The following MYH4 variants were observed in gnomAD, a reference collection of about 807,000 sequenced individuals.
MYH4 encodes the protein myosin heavy chain 4, also known as myosin-4.
In MYH4, 200 loss-of-function variants were observed where a neutral mutation model predicts 229.9. The observed-to-expected ratio is 0.87, with a 90% CI of 0.78 to 0.98. The LOEUF is 0.98. Ranked by LOEUF, MYH4 falls within the 50% of genes least tolerant of loss-of-function variation. The pLI is 0.00. For missense variants in MYH4, 2,148 were observed against 2,332.6 expected, an observed-to-expected ratio of 0.92 and a Z score of 1.63; for synonymous variants, 761 against 834.6, an observed-to-expected ratio of 0.91 and a Z score of 1.52.
rs2072532560 is a variant in MYH4, at chr17:10,448,184, T to G, written c.4657-58A>C. On this transcript the variant is annotated intron_variant, in intron 33 of 39. Coordinates refer to ENST00000255381, the MANE Select transcript of MYH4 (RefSeq NM_017533.2). ...AAAGAGCTTTTTATTTCTTTCACAT[T>G]ATGATAATTTCCCCAAGAAGGCATT... 8 of 1,488,648 alleles carry G rather than the reference T, an allele frequency of 5.4e-6. No individual in the cohort carries two copies. In the South Asian group the frequency reaches 6.7e-5, roughly 12 times the overall value. 92.2% of individuals were successfully genotyped at this position (1,488,648 alleles called of 1,614,324 possible).
Position 10,452,018 on chromosome 17 carries a change from G to A in MYH4, c.3661C>T (p.Leu1221=), listed in dbSNP as rs374726225. The change falls in exon 27 of 40, where the codon CTG becomes TTG. Residue 1221 remains leucine (L), a synonymous_variant. Transcript: ENST00000255381. ...TTCAGCTCACTCTTTTCCTTCTCCA[G>A]CTTCTGCTTGACCCGCTGAAGGCTG... The part of the protein sequence containing the change: ...IDSLQRVKQK[L]EKEKSELKME... 1 of 1,613,786 alleles carries A rather than the reference G, an allele frequency of 6.2e-7. No individual in the cohort carries two copies. Among genetic ancestry groups the A allele is most frequent in the Admixed American group, 1.7e-5 (1 of 60,000 alleles).
At position 10,456,520 on chromosome 17, in the gene MYH4, C is replaced by A. The variant is rs2072640252; in HGVS notation, c.1933G>T (p.Gly645Cys). 1 of 1,613,850 alleles carries A rather than the reference C, an allele frequency of 6.2e-7. No homozygotes were observed. Among genetic ancestry groups the A allele is most frequent in the Admixed American group, 1.7e-5 (1 of 60,008 alleles). The change falls in exon 17 of 40, where the codon GGT (glycine) becomes TGT (cysteine). Residue 645 changes from glycine to cysteine, a missense_variant. Physicochemically the swap from Gly to Cys is radical, Grantham distance 159 (BLOSUM62 -3). Transcript: ENST00000255381. ...GCTGACACTGTCTGGAAAGAAGAAC[C>A]CTTCTTTTTGCCACCTTTCTTTCCA... is the stretch of plus-strand genomic sequence containing the variant. ...GGGKKGGKKK[G>C]SSFQTVSALF...
intron 22 of MYH4, among the ~76,000 whole-genome samples, chr17:10,454,335 G>C (rs962445498): frequency 6.6e-6 from 1 of 152,204 alleles, no homozygotes; most frequent in African/African-American, 2.4e-5. Context: ...AATGTCTATT[G>C]ATATTTTTAT....
chr17:10,462,774 T>C (rs891214553), intron 11 of MYH4, 91 bp downstream of exon 11: 1 of 1,059,762 alleles, frequency 9.4e-7, no homozygotes, highest in African/African-American at 1.6e-5. Flanking sequence ...CTATTTATAG[T>C]CTTTCTGCCA....
intron 5 of MYH4, among the ~76,000 whole-genome samples, chr17:10,465,163 T>G (rs1052993218): frequency 1.3e-5 from 2 of 152,214 alleles, no homozygotes; most frequent in Non-Finnish European, 2.9e-5. Context: ...TAATTAATTT[T>G]GAGGTGGAAC....
chr17:10,449,949 T>TCTCATGA (rs1391719671), intron 30 of MYH4, among the ~76,000 whole-genome samples: 11 of 152,272 alleles, frequency 7.2e-5, no homozygotes, highest in African/African-American at 2.6e-4. Context: ...AATCTGTAAA[T>TCTCATGA]CTCATGACTT....
Position 10,444,508 on chromosome 17 carries a change from C to A in MYH4, c.5667+96G>T. On this transcript the variant is annotated intron_variant, in intron 39 of 39. Transcript: ENST00000255381. ...ATGTTCATACCTAATTATGTATTCC[C>A]AATTTAAAGAAAACCCCCTAAATTC... is the stretch of plus-strand genomic sequence containing the variant. 3.5e-6 allele frequency: 3 copies of A among 862,038 alleles called. 1 individual carries two copies. Among genetic ancestry groups the A allele is most frequent in the Admixed American group, 2.3e-5 (1 of 43,878 alleles). 53.4% of individuals were successfully genotyped at this position (862,038 alleles called of 1,614,324 possible).
At chr17:10,454,530 C>T in intron 22 of MYH4, 25 bp downstream of exon 22, 2 of 1,603,286 alleles carry the variant, frequency 1.2e-6, no homozygotes, top group African/African-American at 1.3e-5. Flanking sequence ...TAAGATGTGG[C>T]TGAACTGCAA....
In MYH4 at chr17:10,455,271, A is replaced by T. The variant is rs2072626368; in HGVS notation, c.2199T>A (p.Ala733=). 1 of 1,613,946 alleles carries T rather than the reference A, an allele frequency of 6.2e-7. No homozygotes were observed. Among genetic ancestry groups the T allele is most frequent in the Non-Finnish European group, 8.5e-7 (1 of 1,179,882 alleles). ...TGTCAATGAACTGACCCTCTGGGAT[A>T]GCACTCGCATTTAGAACCTTGTATC... ...KQRYKVLNAS[A]IPEGQFIDSK... The change falls in exon 20 of 40, where the codon GCT becomes GCA. Residue 733 remains alanine (A), a synonymous_variant. Coordinates refer to ENST00000255381, the MANE Select transcript of MYH4 (RefSeq NM_017533.2).
At chr17:10,456,661 C>G (rs555615309) in intron 16 of MYH4, 106 bp from the exon 17 acceptor site, 2 of 782,438 alleles carry the variant, frequency 2.6e-6, no homozygotes, top group Admixed American at 2.1e-5. Context: ...AATTTGCACT[C>G]ATTCACTTGC....
chr17:10,455,278 G>A lies in MYH4; in HGVS notation c.2192C>T (p.Ala731Val), dbSNP rs370294449. 47 of 1,613,456 alleles carry A rather than the reference G, an allele frequency of 2.9e-5. No individual in the cohort carries two copies. The highest frequency in any genetic ancestry group is 3.3e-4 in the Middle Eastern group (2 of 6,084). The change falls in exon 20 of 40, where the codon GCG becomes GTG. Residue 731 changes from alanine to valine, a missense_variant. By Grantham distance (64) the Ala-to-Val change is moderately conservative (BLOSUM62 0). Transcript: ENST00000255381. Reference protein sequence around the residue: ...DFKQRYKVLNASAIPEGQFID... With the variant: ...DFKQRYKVLNVSAIPEGQFID... Reference sequence around the variant, plus strand: ...GAACTGACCCTCTGGGATAGCACTCGCATTTAGAACCTTGTATCTGTCAGA... The same window carrying A: ...GAACTGACCCTCTGGGATAGCACTCACATTTAGAACCTTGTATCTGTCAGA...
rs2142215251 is a variant in MYH4, at chr17:10,451,309, G to A, written c.3865+17C>T. The A allele has an allele frequency of 6.2e-7, 1 of 1,612,196 alleles. No individual in the cohort carries two copies. The highest frequency in any genetic ancestry group is 8.5e-7 in the Non-Finnish European group (1 of 1,179,466). The stretch of plus-strand genomic sequence containing the variant: ...ATTCGTCACCTCTCCGAAGGTTGAT[G>A]CTATTTATTTACTGACCTGATTCTG... On this transcript the variant is annotated intron_variant, in intron 28 of 39. Transcript: ENST00000255381.
chr17:10,457,487 C>T lies in MYH4; in HGVS notation c.1830G>A (p.Gly610=). The stretch of plus-strand genomic sequence containing the variant: ...TCTTCATTGCAGACTTCTGGTACAG[C>T]CCCACCACAGTCTCATTCAGGGGGT... ...NKDPLNETVV[G]LYQKSAMKTL... Residue 610 remains glycine (G), a synonymous_variant, in exon 16 of 40, where the codon GGG becomes GGA. Coordinates refer to ENST00000255381, the MANE Select transcript of MYH4 (RefSeq NM_017533.2). 6.2e-7 allele frequency: 1 copy of T among 1,614,168 alleles called. No individual in the cohort carries two copies. The highest frequency in any genetic ancestry group is 8.5e-7 in the Non-Finnish European group (1 of 1,180,012).
intron 2 of MYH4, 43 bp from the exon 3 acceptor site, chr17:10,466,827 T>A: frequency 1.3e-6 from 2 of 1,538,002 alleles, no homozygotes; most frequent in Non-Finnish European, 1.8e-6. Context: ...AGGGTTGGGG[T>A]GGAGAATTGT....
rs113589715 is a variant in MYH4 at position 10,462,845 on chromosome 17, A to G, written c.1008+20T>C. The G allele has an allele frequency of 4.4e-6, 7 of 1,588,952 alleles. No homozygotes were observed. The highest frequency in any genetic ancestry group is 2.7e-5 in the African/African-American group (2 of 74,352). ...CTGGAAAATGAATTTACTTTTTACT[A>G]CTTTGTACCTATTACTTACATCTGT... On this transcript the variant is annotated intron_variant, in intron 11 of 39. Coordinates refer to ENST00000255381, the MANE Select transcript of MYH4 (RefSeq NM_017533.2).
At chr17:10,456,944 G>A (rs1012662651) in intron 16 of MYH4, among the ~76,000 whole-genome samples, 1 of 152,224 alleles carries the variant, frequency 6.6e-6, no homozygotes, top group African/African-American at 2.4e-5. Flanking sequence ...CCAGGTAGGT[G>A]AGCCTCTGCT....
intron 16 of MYH4, 152 bp downstream of exon 16, chr17:10,457,268 C>G (rs550102123): frequency 2.3e-6 from 2 of 851,222 alleles, no homozygotes; most frequent in African/African-American, 3.4e-5. Context: ...GACTGTAAGA[C>G]TGTATCACAG....
intron 28 of MYH4, 87 bp from the exon 29 acceptor site, chr17:10,450,982 T>C: frequency 8.7e-7 from 1 of 1,143,576 alleles, no homozygotes; most frequent in East Asian, 2.4e-5. Context: ...AACCCTCTTA[T>C]TTCATATGAT....
chr17:10,450,970 G>A, intron 28 of MYH4, 75 bp from the exon 29 acceptor site: 1 of 1,221,768 alleles, frequency 8.2e-7, no homozygotes, highest in Non-Finnish European at 1.2e-6. Flanking sequence ...GAATAACATT[G>A]TAACCCTCTT....
Sources: allele counts gnomAD v4.1 joint callset (sites outside exome capture counted in the v4.1 genomes callset), GRCh38; gene constraint gnomAD v4.1.1; transcripts MANE v1.5; gene names NCBI Gene and HGNC (gene_info 2026-07-23, HGNC 2026-07-21).